The following BAZ2A variants were observed in gnomAD, a reference collection of about 807,000 sequenced individuals.
BAZ2A encodes the protein bromodomain adjacent to zinc finger domain 2A.
In BAZ2A, 34 loss-of-function variants were observed where a neutral mutation model predicts 199.9. The ratio of observed to expected loss-of-function variants is 0.17; its 90% CI spans 0.13 to 0.23. The LOEUF is 0.23. Ranked by LOEUF, BAZ2A falls within the 10% of genes least tolerant of loss-of-function variation. The probability of loss-of-function intolerance (pLI) is 1.00; values close to 1 mark genes in which losing one functional copy is unlikely to be tolerated. For synonymous variants in BAZ2A, 857 were observed against 883.9 expected, an observed-to-expected ratio of 0.97 and a Z score of 0.54; for missense variants, 2,002 against 2,391.1, an observed-to-expected ratio of 0.84 and a Z score of 3.39.
Position 56,598,613 on chromosome 12 carries a change from T to C in BAZ2A, c.*5A>G, listed in dbSNP as rs751808465. On this transcript the variant is annotated 3_prime_UTR_variant, in exon 29 of 29. Transcript: ENST00000549884. Reference sequence around the variant, plus strand: ...GCCACAAGGTGACTCCCCACCTCCCTTGCCTCACAGATTGGCCTGTTTTCC... The same window carrying C: ...GCCACAAGGTGACTCCCCACCTCCCCTGCCTCACAGATTGGCCTGTTTTCC... The C allele has an allele frequency of 7.4e-6, 12 of 1,612,852 alleles. No individual in the cohort carries two copies. Among genetic ancestry groups the C allele is most frequent in the East Asian group, 4.5e-5 (2 of 44,880 alleles).
intron 3 of BAZ2A, among the ~76,000 whole-genome samples, chr12:56,614,521 G>C (rs559834120): frequency 1.3e-5 from 2 of 152,128 alleles, no homozygotes; most frequent in Non-Finnish European, 2.9e-5. Flanking sequence ...GGGCTGTCAC[G>C]TGTACTAATG....
In BAZ2A at chr12:56,611,625, T is replaced by C. The variant is rs1950560636; in HGVS notation, c.1618A>G (p.Met540Val). ...GLTASGSGDV[M>V]RRRIATPEEV... Reference sequence around the variant, plus strand: ...TCTGGGGTAGCAATACGTCTCCTCATGACATCACCTTGGGAGGAAGGGATA... The same window carrying C: ...TCTGGGGTAGCAATACGTCTCCTCACGACATCACCTTGGGAGGAAGGGATA... The change falls in exon 7 of 29, where the codon ATG (methionine) becomes GTG (valine). Residue 540 changes from methionine (M) to valine (V), a missense_variant. Physicochemically the swap from Met to Val is conservative, Grantham distance 21. Transcript: ENST00000549884. 1 of 1,606,796 alleles carries C rather than the reference T, an allele frequency of 6.2e-7. No individual in the cohort carries two copies. Among genetic ancestry groups the C allele is most frequent in the East Asian group, 2.2e-5 (1 of 44,880 alleles).
intron 15 of BAZ2A, 93 bp downstream of exon 15, chr12:56,604,492 C>A: frequency 7.1e-7 from 1 of 1,406,476 alleles, no homozygotes; most frequent in Non-Finnish European, 9.6e-7. Flanking sequence ...TGGCAGTGAA[C>A]ACACATTTCT....
chr12:56,612,320 C>G, intron 5 of BAZ2A, 74 bp from the exon 6 acceptor site: 1 of 1,309,830 alleles, frequency 7.6e-7, no homozygotes, highest in Admixed American at 2.4e-5. Context: ...TCTACTCAGT[C>G]AACCCTGGAC....
upstream of BAZ2A, among the ~76,000 whole-genome samples, chr12:56,634,710 A>G (rs1200634408): frequency 2.0e-5 from 3 of 151,972 alleles, no homozygotes; most frequent in African/African-American, 7.3e-5. Flanking sequence ...CTGGGCCCAG[A>G]ATAGGAAAGG....
At chr12:56,619,508 CAAAA>C (rs397850754) in intron 1 of BAZ2A, among the ~76,000 whole-genome samples, 4 of 84,772 alleles carry the variant, frequency 4.7e-5, no homozygotes, top group Admixed American at 2.4e-4. Context: ...GACCCTGTCT[CAAAA>C]AAAAAAAAAA....
chr12:56,599,147 C>T lies in BAZ2A; in HGVS notation c.5384G>A (p.Ser1795Asn). The T allele has an allele frequency of 6.2e-7, 1 of 1,612,090 alleles. No homozygotes were observed. Among genetic ancestry groups the T allele is most frequent in the Non-Finnish European group, 8.5e-7 (1 of 1,179,218 alleles). ...AACTCACTCGCAAAATGTGAGATCA[C>T]TGTGGTGGTTCCGCATAGAGAGTCG... ...RRRLSMRNHH[S>N]DLTFCEIILM... Residue 1795 changes from serine to asparagine, a missense_variant, in exon 27 of 29, where the codon AGT (serine) becomes AAT (asparagine). This residue lies in a region of BAZ2A where 122 missense variants were observed against 123.0 expected (regional missense o/e 0.99). Transcript: ENST00000549884.
intron 5 of BAZ2A, among the ~76,000 whole-genome samples, chr12:56,612,582 C>T (rs1235968520): frequency 6.6e-6 from 1 of 152,176 alleles, no homozygotes; most frequent in Non-Finnish European, 1.5e-5. Context: ...TTCCACCATA[C>T]ACTATCCCAT....
Position 56,610,512 on chromosome 12 carries a change from C to T in BAZ2A, c.1676G>A (p.Arg559Gln), listed in dbSNP as rs1950525425. 1 of 1,610,216 alleles carries T rather than the reference C, an allele frequency of 6.2e-7. No homozygotes were observed. Among genetic ancestry groups the T allele is most frequent in the South Asian group, 1.1e-5 (1 of 90,312 alleles). Residue 559 changes from arginine to glutamine, a missense_variant, in exon 8 of 29, where the codon CGG becomes CAG. Coordinates refer to ENST00000549884, the MANE Select transcript of BAZ2A (RefSeq NM_001300905.2). ...EVRLPLQHGWRREVRIKKGSH... is the reference protein window; with the variant it reads ...EVRLPLQHGWQREVRIKKGSH... ...GCCCTTCTTGATGCGCACCTCTCTC[C>T]GCCACCTGCCAGAGAAGCACATGGG...
rs1886322831 is a variant in BAZ2A, at chr12:56,600,311, A to G, written c.4782T>C (p.Asn1594=). 6.2e-7 allele frequency: 1 copy of G among 1,613,994 alleles called. No individual in the cohort carries two copies. Among genetic ancestry groups the G allele is most frequent in the Non-Finnish European group, 8.5e-7 (1 of 1,179,888 alleles). The part of the protein sequence containing the change: ...AVMRLAALEQ[N]VERRYLREPL... ...GCTCCCGCAGGTACCGCCGTTCTACATTCTGTTCCAGGGCAGCCAGCCGCA... is the reference window on the plus strand; with the variant it reads ...GCTCCCGCAGGTACCGCCGTTCTACGTTCTGTTCCAGGGCAGCCAGCCGCA... Residue 1594 remains asparagine, a synonymous_variant, in exon 24 of 29, where the codon AAT becomes AAC. Coordinates refer to ENST00000549884, the MANE Select transcript of BAZ2A (RefSeq NM_001300905.2).
chr12:56,601,468 GGCAGCA>G, intron 20 of BAZ2A, 66 bp from the exon 21 acceptor site: 8 of 1,591,596 alleles, frequency 5.0e-6, no homozygotes, highest in Non-Finnish European at 6.8e-6. Context: ...CTCAACTTCA[GGCAGCA>G]GCTCCACACC....
At chr12:56,636,386 G>T, upstream of BAZ2A, 1 of 1,393,456 alleles carries the variant, frequency 7.2e-7, no homozygotes. Flanking sequence ...GACTGGGGTG[G>T]GGAGGGAGGA....
In BAZ2A at chr12:56,605,912, C is replaced by T. The variant is rs368933629; in HGVS notation, c.2411G>A (p.Arg804His). The T allele has an allele frequency of 3.2e-6, 5 of 1,581,816 alleles. No homozygotes were observed. The highest frequency in any genetic ancestry group is 2.3e-5 in the South Asian group (2 of 86,548). The change falls in exon 13 of 29, where the codon CGC becomes CAC. Residue 804 changes from arginine (R) to histidine (H), a missense_variant. Physicochemically the swap from Arg to His is conservative, Grantham distance 29. This residue lies in a region of BAZ2A where 1,081 missense variants were observed against 1,274.7 expected (regional missense o/e 0.85). Transcript: ENST00000549884. ...CTGCTGCCTCTGCCGTTCCTCCAAG[C>T]GCCTCTGTGTGGCCAGGGTCTTATC... Reference protein sequence around the residue: ...KADKTLATQRRLEERQRQQMI... With the variant: ...KADKTLATQRHLEERQRQQMI...
In BAZ2A at chr12:56,599,692, G is replaced by A. The variant is rs1462686913; in HGVS notation, c.5172+10C>T. 6 of 1,612,936 alleles carry A rather than the reference G, an allele frequency of 3.7e-6. No individual in the cohort carries two copies. Among genetic ancestry groups the A allele is most frequent in the East Asian group, 2.2e-5 (1 of 44,900 alleles). ...GTTTGAGTGTGGGAAAGAAAGAGCA[G>A]AAGCCTTACCTGAGCCAAACAGACA... On this transcript the variant is annotated intron_variant, in intron 26 of 28. Transcript: ENST00000549884.
Position 56,603,619 on chromosome 12 carries a change from G to A in BAZ2A, c.3120C>T (p.Arg1040=). ...EGPEECLGRR[R]SSRIMEETSG... is the part of the protein sequence containing the mutation. ...TGGTCTCCTCCATGATCCGAGAACT[G>A]CGCCTCCGTCCCAGGCATTCCTCTG... is the stretch of plus-strand genomic sequence containing the variant. The change falls in exon 17 of 29, where the codon CGC becomes CGT. Residue 1040 remains arginine, a synonymous_variant. Transcript: ENST00000549884. 1 of 1,613,936 alleles carries A rather than the reference G, an allele frequency of 6.2e-7. No homozygotes were observed. The highest frequency in any genetic ancestry group is 2.2e-5 in the East Asian group (1 of 44,882).
intron 7 of BAZ2A, 104 bp downstream of exon 7, chr12:56,611,469 G>C (rs1950555501): frequency 8.7e-7 from 1 of 1,152,886 alleles, no homozygotes. Flanking sequence ...CTCTTGTCTG[G>C]CCCATTCCTC....
chr12:56,612,113 G>T lies in BAZ2A; in HGVS notation c.1269C>A (p.Thr423=), dbSNP rs1443674581. Residue 423 remains threonine, a synonymous_variant, in exon 6 of 29, where the codon ACC becomes ACA. Coordinates refer to ENST00000549884, the MANE Select transcript of BAZ2A (RefSeq NM_001300905.2). ...QSSTIQLHPA[T]SPAVSPTTSP... is the part of the protein sequence containing the mutation. The stretch of plus-strand genomic sequence containing the variant: ...AGGTTGTTGGCGAGACTGCTGGTGA[G>T]GTTGCTGGATGTAGCTGAATAGTGG... 6.2e-7 allele frequency: 1 copy of T among 1,613,968 alleles called. No individual in the cohort carries two copies. Among genetic ancestry groups the T allele is most frequent in the Non-Finnish European group, 8.5e-7 (1 of 1,179,890 alleles).
intron 19 of BAZ2A, 26 bp from the exon 20 acceptor site, chr12:56,602,218 C>T: frequency 6.6e-7 from 1 of 1,525,672 alleles, no homozygotes; most frequent in Non-Finnish European, 8.9e-7. Flanking sequence ...AAGAGTTAAG[C>T]CATATGCTGA....
At chr12:56,621,884 C>G (rs1247737347) in intron 1 of BAZ2A, among the ~76,000 whole-genome samples, 1 of 152,012 alleles carries the variant, frequency 6.6e-6, no homozygotes, top group Admixed American at 6.6e-5. Flanking sequence ...GACACAGGGT[C>G]TCGCTATGTT....
Sources: allele counts gnomAD v4.1 joint callset (sites outside exome capture counted in the v4.1 genomes callset), GRCh38; gene constraint gnomAD v4.1.1; regional missense constraint gnomAD v4.1.1; transcripts MANE v1.5; gene names NCBI Gene and HGNC (gene_info 2026-07-23, HGNC 2026-07-21).